CFAP119: variants seen among roughly 807,000 people sequenced by gnomAD.
CFAP119 encodes cilia and flagella associated protein 119.
chr16:30,761,592 C>T, the CFAP119 span: 3 of 1,536,062 alleles, frequency 2.0e-6, no homozygotes, highest in African/African-American at 4.1e-5. Flanking sequence ...GCCGCCGCCG[C>T]CGTCGTCCAC....
the CFAP119 span, chr16:30,760,424 C>T: frequency 6.2e-7 from 1 of 1,614,162 alleles, no homozygotes; most frequent in Non-Finnish European, 8.5e-7. Flanking sequence ...CTGCTCAGGA[C>T]ACCCTAGCTC....
the CFAP119 span, chr16:30,761,652 TGCGATCCTTCCCCGCTTCCCGCCGC>T: frequency 2.0e-6 from 3 of 1,535,954 alleles, no homozygotes; most frequent in South Asian, 3.6e-5. Flanking sequence ...TGCACTGAGC[TGCGATCCTTCCCCGCTTCCCGCCGC>T]AGCTCGGAGA....
chr16:30,758,788 C>A, the CFAP119 span: 2 of 705,520 alleles, frequency 2.8e-6, no homozygotes, highest in Non-Finnish European at 4.5e-6. Flanking sequence ...CTCCTGAGCT[C>A]AGGCAATCCG....
chr16:30,757,888 C>T, the CFAP119 span: 1 of 1,224,624 alleles, frequency 8.2e-7, no homozygotes, highest in Non-Finnish European at 1.1e-6. Context: ...AGCTGTGTGA[C>T]CTTAGGCAGG....
the CFAP119 span, chr16:30,758,072 CTTTT>C: frequency 9.3e-5 from 13 of 140,206 alleles, no homozygotes; most frequent in Non-Finnish European, 6.2e-5. Context: ...TTGGCTTTCT[CTTTT>C]TTTTTTTTTT....
At chr16:30,761,205 A>G in the CFAP119 span, 1 of 1,614,028 alleles carries the variant, frequency 6.2e-7, no homozygotes, top group South Asian at 1.1e-5. Flanking sequence ...CACCACATGC[A>G]GATCCGGGGT....
chr16:30,761,564 G>C, the CFAP119 span: 23 of 1,536,062 alleles, frequency 1.5e-5, no homozygotes, highest in Non-Finnish European at 2.0e-5. Flanking sequence ...GTTGGCTCCG[G>C]GGTCTTCATC....
the CFAP119 span, chr16:30,757,573 C>T: frequency 4.0e-5 from 64 of 1,614,176 alleles, no homozygotes; most frequent in East Asian, 8.9e-5. Flanking sequence ...GGCCTTGAGC[C>T]GCTCCTCCAC....
the CFAP119 span, chr16:30,759,867 C>A: frequency 1.4e-6 from 2 of 1,456,276 alleles, no homozygotes; most frequent in Non-Finnish European, 1.8e-6. Context: ...ACTCATGTAA[C>A]AAATACTGAA....
At chr16:30,761,859 GC>G in the CFAP119 span, 2 of 1,065,762 alleles carry the variant, frequency 1.9e-6, no homozygotes, top group South Asian at 3.5e-5. Flanking sequence ...CCTCGCTCCG[GC>G]CAATCTACGC....
At chr16:30,761,055 C>G in the CFAP119 span, 2 of 954,586 alleles carry the variant, frequency 2.1e-6, no homozygotes, top group Non-Finnish European at 3.1e-6. Flanking sequence ...GCTGGAAAGC[C>G]AACTTCCAGT....
At chr16:30,759,976 T>C in the CFAP119 span, 12 of 1,454,650 alleles carry the variant, frequency 8.2e-6, no homozygotes, top group African/African-American at 1.4e-5. Flanking sequence ...AACCAAGAAA[T>C]AGATCATTTC....
At chr16:30,761,409 G>A in the CFAP119 span, 2 of 1,402,060 alleles carry the variant, frequency 1.4e-6, no homozygotes, top group Non-Finnish European at 2.0e-6. Context: ...AACCACCGGG[G>A]TCACACACCC....
the CFAP119 span, chr16:30,761,648 G>A: frequency 6.5e-7 from 1 of 1,535,966 alleles, no homozygotes; most frequent in Non-Finnish European, 8.7e-7. Flanking sequence ...CCCATGCACT[G>A]AGCTGCGATC....
chr16:30,761,145 G>T, the CFAP119 span: 1 of 1,596,104 alleles, frequency 6.3e-7, no homozygotes, highest in South Asian at 1.1e-5. Flanking sequence ...GACTGTTGGG[G>T]AGACAATAAA....
At chr16:30,757,586 G>A in the CFAP119 span, 1 of 1,614,188 alleles carries the variant, frequency 6.2e-7, no homozygotes, top group Non-Finnish European at 8.5e-7. Context: ...TCCTCCACCA[G>A]CCCCTGGAGC....
At chr16:30,761,278 G>A in the CFAP119 span, 1 of 1,612,024 alleles carries the variant, frequency 6.2e-7, no homozygotes. Context: ...GTCCTGGCCC[G>A]TAGCGAATCT....
chr16:30,759,936 CCCTTACGAAG>C, the CFAP119 span: 9 of 1,440,940 alleles, frequency 6.2e-6, no homozygotes, highest in Non-Finnish European at 8.2e-6. Flanking sequence ...CAAGGTCCTG[CCCTTACGAAG>C]CTTATATTCT....
the CFAP119 span, chr16:30,758,663 C>G: frequency 3.2e-6 from 1 of 309,036 alleles, no homozygotes; most frequent in African/African-American, 2.2e-5. Flanking sequence ...TCATGCAGTT[C>G]TCCTGCCTCA....
Sources: gnomAD v4.1 joint callset for allele counts on GRCh38, gnomAD v4.1.1 for gene constraint, MANE v1.5 for transcripts, NCBI Gene and HGNC (gene_info 2026-07-23, HGNC 2026-07-21) for gene names.